The following HSPA4L variants were observed in gnomAD, a reference collection of about 807,000 sequenced individuals.
HSPA4L encodes the protein heat shock 70 kDa protein 4L.
In HSPA4L, 48 loss-of-function variants were observed where a neutral mutation model predicts 100.3. The ratio of observed to expected loss-of-function variants is 0.48; its 90% CI spans 0.38 to 0.61. The LOEUF (loss-of-function observed/expected upper bound fraction) is 0.61, where lower values mean the gene tolerates loss of function less well. Among genes scored for constraint, HSPA4L ranks in the 20% least tolerant of loss-of-function variants. The pLI, the probability that HSPA4L is intolerant of heterozygous loss-of-function variation, is 0.00. For missense variants in HSPA4L, 886 were observed against 988.6 expected (o/e 0.90, Z 1.39); for synonymous variants, 319 against 328.2 (o/e 0.97, Z 0.30).
intron 13 of HSPA4L, among the ~76,000 whole-genome samples, chr4:127,819,676 C>T (rs1274201040): frequency 6.6e-6 from 1 of 152,132 alleles, no homozygotes; most frequent in Non-Finnish European, 1.5e-5. Context: ...CCACAGGGAA[C>T]AGGCAATAGA....
rs1033104880 is a variant in HSPA4L, at chr4:127,835,735, G to A, written c.*2861G>A. On this transcript the variant is annotated 3_prime_UTR_variant, in exon 19 of 19. Coordinates refer to ENST00000296464, the MANE Select transcript of HSPA4L (RefSeq NM_014278.4). ...AAACAAAAATTCTTCCAAAAAACTA[G>A]AAAGAGCACAGCAAAGAATTTGGCT... The A allele has an allele frequency of 6.6e-6, 1 of 150,634 alleles. No homozygotes were observed. The highest frequency in any genetic ancestry group is 1.5e-5 in the Non-Finnish European group (1 of 67,670). 9.3% of individuals were successfully genotyped at this position (150,634 alleles called of 1,614,324 possible).
chr4:127,818,443 T>A (rs1560666795), intron 13 of HSPA4L, 23 bp downstream of exon 13: 6 of 1,421,048 alleles, frequency 4.2e-6, no homozygotes, highest in Non-Finnish European at 5.9e-6. Context: ...TTTTCTGTAG[T>A]TATGTCTTTT....
chr4:127,838,213 T>C lies in HSPA4L; in HGVS notation c.*5339T>C, dbSNP rs1458929848. 3 of 152,092 alleles carry C rather than the reference T, an allele frequency of 2.0e-5. No homozygotes were observed. Among genetic ancestry groups the C allele is most frequent in the Admixed American group, 6.6e-5 (1 of 15,264 alleles). 9.4% of individuals were successfully genotyped at this position (152,092 alleles called of 1,614,324 possible). A position where few individuals can be genotyped will look rare whatever the true frequency, so the allele number is the denominator to read the frequency against. On this transcript the variant is annotated 3_prime_UTR_variant, in exon 19 of 19. Coordinates refer to ENST00000296464, the MANE Select transcript of HSPA4L (RefSeq NM_014278.4). ...ATTCAAAGGTAATTATTCTAAACAA[T>C]AAAAGGGCACCTGGAATTTTCAGAA...
At chr4:127,783,274 G>A (rs992402239) in intron 1 of HSPA4L, among the ~76,000 whole-genome samples, 2 of 151,954 alleles carry the variant, frequency 1.3e-5, no homozygotes, top group Admixed American at 6.6e-5. Flanking sequence ...CCGGTTTACA[G>A]GGCCAGGTCA....
At position 127,820,528 on chromosome 4, in the gene HSPA4L, T is replaced by C. The variant is rs1733783908; in HGVS notation, c.1775T>C (p.Leu592Pro). 6.2e-7 allele frequency: 1 copy of C among 1,601,320 alleles called. No homozygotes were observed. The highest frequency in any genetic ancestry group is 8.5e-7 in the Non-Finnish European group (1 of 1,175,198). The change falls in exon 14 of 19, where the codon CTA (leucine) becomes CCA (proline). Residue 592 changes from leucine to proline, a missense_variant. Transcript: ENST00000296464. ...LPIQSSLCRQLGQDLLNSYIE... is the reference protein window; with the variant it reads ...LPIQSSLCRQPGQDLLNSYIE... ...ATCCAGAGTAGCCTATGTAGACAAC[T>C]AGGCCAAGATCTTCTCAACAGCTAC... is the stretch of plus-strand genomic sequence containing the variant.
At position 127,834,045 on chromosome 4, in the gene HSPA4L, T is replaced by C. The variant is rs1734151098; in HGVS notation, c.*1171T>C. On this transcript the variant is annotated 3_prime_UTR_variant, in exon 19 of 19. Transcript: ENST00000296464. ...CCAGTTTTGGTGCTTCTTATACAAA[T>C]TAAATGCGAAAAGGGACTGTAAACT... 3.3e-5 allele frequency: 5 copies of C among 152,174 alleles called. No homozygotes were observed. The highest frequency in any genetic ancestry group is 1.2e-4 in the African/African-American group (5 of 41,446). 9.4% of individuals were successfully genotyped at this position (152,174 alleles called of 1,614,324 possible). A position where few individuals can be genotyped will look rare whatever the true frequency, so the allele number is the denominator to read the frequency against.
chr4:127,801,642 C>T (rs1027959704), intron 5 of HSPA4L, 143 bp from the exon 6 acceptor site: 4 of 611,158 alleles, frequency 6.5e-6, no homozygotes, highest in African/African-American at 5.7e-5. Context: ...GCATTATTAA[C>T]CGAATTGTGA....
intron 3 of HSPA4L, among the ~76,000 whole-genome samples, chr4:127,797,666 A>G (rs1394061254): frequency 6.6e-6 from 1 of 151,042 alleles, no homozygotes; most frequent in East Asian, 1.9e-4. Context: ...CAGTGGCGCA[A>G]TCTCGGCTCA....
intron 12 of HSPA4L, among the ~76,000 whole-genome samples, chr4:127,817,456 A>T (rs186589062): frequency 8.5e-5 from 13 of 152,320 alleles, no homozygotes; most frequent in African/African-American, 3.1e-4. Context: ...GACCTAACTT[A>T]TGCTGATTCC....
rs1732594060 is a variant in HSPA4L, at chr4:127,782,601, C to T, written c.51C>T (p.Val17=). 1 of 1,614,006 alleles carries T rather than the reference C, an allele frequency of 6.2e-7. No individual in the cohort carries two copies. Residue 17 remains valine (V), a synonymous_variant, in exon 1 of 19, where the codon GTC becomes GTT. Coordinates refer to ENST00000296464, the MANE Select transcript of HSPA4L (RefSeq NM_014278.4). ...GCTTTCTCAACTGCTACATTGCTGT[C>T]GCGAGAAGTGGCGGCATCGAGACCA... ...DLGFLNCYIA[V]ARSGGIETIA... is the part of the protein sequence containing the mutation.
chr4:127,815,985 CGTT>C (rs1014641898), intron 12 of HSPA4L, among the ~76,000 whole-genome samples: 1 of 151,956 alleles, frequency 6.6e-6, no homozygotes. Context: ...CCTTCTTTTT[CGTT>C]GTTGTAACAA....
At position 127,803,623 on chromosome 4, in the gene HSPA4L, A is replaced by G. The variant is rs1733256568; in HGVS notation, c.664-6A>G. ...AAAATACAGTTCTGCTTTTTCAATT[A>G]AACAGGTCTTGGCTACTACCTTTGA... On this transcript the variant is annotated splice_polypyrimidine_tract_variant and splice_region_variant and intron_variant, in intron 6 of 18. Coordinates refer to ENST00000296464, the MANE Select transcript of HSPA4L (RefSeq NM_014278.4). The G allele has an allele frequency of 6.4e-7, 1 of 1,571,862 alleles. No individual in the cohort carries two copies. The highest frequency in any genetic ancestry group is 1.2e-5 in the South Asian group (1 of 81,394).
chr4:127,790,232 A>G (rs1732835541), intron 1 of HSPA4L, among the ~76,000 whole-genome samples: 1 of 152,226 alleles, frequency 6.6e-6, no homozygotes, highest in African/African-American at 2.4e-5. Flanking sequence ...CAACCTACAA[A>G]TAAGATTTTC....
chr4:127,796,460 T>G (rs949714001), intron 3 of HSPA4L, among the ~76,000 whole-genome samples: 6 of 152,086 alleles, frequency 3.9e-5, no homozygotes, highest in African/African-American at 1.4e-4. Context: ...GAAATTCCAC[T>G]CCTGGGCTTA....
rs142551624 is a variant in HSPA4L, at chr4:127,811,383, T to C, written c.1379-54T>C. 5.3e-6 allele frequency: 7 copies of C among 1,314,466 alleles called. No individual in the cohort carries two copies. The African/African-American group carries it at 8.8e-5, about 16-fold the overall frequency. The allele number at this position is 1,314,466 out of a possible 1,614,324, so 81.4% of individuals were successfully genotyped here. A position where few individuals can be genotyped will look rare whatever the true frequency, so the allele number is the denominator to read the frequency against. On this transcript the variant is annotated intron_variant, in intron 11 of 18. Coordinates refer to ENST00000296464, the MANE Select transcript of HSPA4L (RefSeq NM_014278.4). ...GATGATAGCCAAATTATTCAATGAATTGAATAAGTTAATCTGAGGCTCACA... is the reference window on the plus strand; with the variant it reads ...GATGATAGCCAAATTATTCAATGAACTGAATAAGTTAATCTGAGGCTCACA...
At chr4:127,803,543 A>G in intron 6 of HSPA4L, 86 bp from the exon 7 acceptor site, 1 of 1,324,008 alleles carries the variant, frequency 7.6e-7, no homozygotes, top group East Asian at 2.5e-5. Context: ...TTTTATTTTT[A>G]CATTTTTTTA....
intron 11 of HSPA4L, chr4:127,809,609 T>C: frequency 1.7e-6 from 1 of 588,010 alleles, no homozygotes; most frequent in Non-Finnish European, 3.1e-6. Flanking sequence ...AAGGAATGTG[T>C]AAGTGAAAGC....
At chr4:127,815,889 G>A (rs1434979601) in intron 12 of HSPA4L, among the ~76,000 whole-genome samples, 1 of 152,196 alleles carries the variant, frequency 6.6e-6, no homozygotes, top group Non-Finnish European at 1.5e-5. Flanking sequence ...TCTGAAAGAT[G>A]CAAAAGGCAG....
intron 1 of HSPA4L, among the ~76,000 whole-genome samples, chr4:127,793,023 C>T (rs1213738303): frequency 1.3e-5 from 2 of 152,126 alleles, no homozygotes; most frequent in Non-Finnish European, 2.9e-5. Flanking sequence ...AGGACTGGAC[C>T]ATGAAAGGCC....
Sources: allele counts gnomAD v4.1 joint callset (sites outside exome capture counted in the v4.1 genomes callset), GRCh38; gene constraint gnomAD v4.1.1; transcripts MANE v1.5; gene names NCBI Gene and HGNC (gene_info 2026-07-23, HGNC 2026-07-21).